TENM2: variants seen among roughly 807,000 people sequenced by gnomAD.
TENM2 encodes teneurin transmembrane protein 2.
A neutral mutation model predicts 245.2 loss-of-function variants in TENM2; 52 were observed. The observed-to-expected ratio is 0.21, with a 90% CI of 0.17 to 0.27. The LOEUF (loss-of-function observed/expected upper bound fraction) is 0.27. Among genes scored for constraint, TENM2 ranks in the 10% least tolerant of loss-of-function variants. The pLI is 1.00. For synonymous variants in TENM2, 1,363 were observed against 1,438.9 expected, an observed-to-expected ratio of 0.95 and a Z score of 1.19; for missense variants, 3,046 against 3,666.8, an observed-to-expected ratio of 0.83 and a Z score of 4.37.
At chr5:167,952,698 C>A (rs1375228278) in exon 4 of TENM2, 3 of 1,612,298 alleles carry the variant, frequency 1.9e-6, no homozygotes, top group Non-Finnish European at 2.5e-6. Context: ...CAGGAACTCA[C>A]TGACCAATCG....
At chr5:167,157,380 T>G in the TENM2 span, among the ~76,000 whole-genome samples, 2 of 152,306 alleles carry the variant, frequency 1.3e-5, no homozygotes, top group East Asian at 1.9e-4. Context: ...GTAATAATGG[T>G]TTACATTTTT....
At chr5:167,913,342 A>G (rs900112404) in intron 3 of TENM2, among the ~76,000 whole-genome samples, 1 of 152,216 alleles carries the variant, frequency 6.6e-6, no homozygotes, top group African/African-American at 2.4e-5. Flanking sequence ...CAAGTTTCAC[A>G]TACTGCCACC....
the TENM2 span, among the ~76,000 whole-genome samples, chr5:167,008,814 G>C: frequency 6.6e-6 from 1 of 152,148 alleles, no homozygotes; most frequent in African/African-American, 2.4e-5. Flanking sequence ...GTACACATTT[G>C]TGAGTCATGT....
intron 4 of TENM2, among the ~76,000 whole-genome samples, chr5:167,958,762 A>G (rs1420180336): frequency 6.6e-6 from 1 of 152,188 alleles, no homozygotes; most frequent in Admixed American, 6.5e-5. Context: ...TGGATATGAA[A>G]TTCTGGGTTG....
At chr5:167,086,372 T>C in the TENM2 span, among the ~76,000 whole-genome samples, 1 of 152,200 alleles carries the variant, frequency 6.6e-6, no homozygotes, top group Admixed American at 6.5e-5. Flanking sequence ...CATGCGTATC[T>C]TGGTGAAAGT....
chr5:167,740,457 A>C (rs74794755), intron 2 of TENM2, among the ~76,000 whole-genome samples: 1 of 152,156 alleles, frequency 6.6e-6, no homozygotes, highest in Non-Finnish European at 1.5e-5. Flanking sequence ...TTTTGTTGAC[A>C]CTACTTCCCT....
intron 9 of TENM2, among the ~76,000 whole-genome samples, chr5:168,113,933 C>A (rs1354578855): frequency 6.6e-6 from 1 of 152,158 alleles, no homozygotes. Context: ...CATACCTGAC[C>A]AATCACAACC....
the TENM2 span, among the ~76,000 whole-genome samples, chr5:166,982,441 C>A: frequency 3.3e-5 from 5 of 151,872 alleles, no homozygotes; most frequent in Non-Finnish European, 1.5e-5. Context: ...TCATTGTTTT[C>A]TTTCTGTGCA....
intron 4 of TENM2, among the ~76,000 whole-genome samples, chr5:167,975,248 CA>C (rs1410476355): frequency 1.3e-5 from 2 of 152,264 alleles, no homozygotes; most frequent in Admixed American, 6.5e-5. Context: ...TTGACACTTG[CA>C]TTTTTAAAAA....
intron 27 of TENM2, among the ~76,000 whole-genome samples, chr5:168,253,946 A>G (rs1161981888): frequency 3.3e-5 from 5 of 152,224 alleles, no homozygotes; most frequent in Non-Finnish European, 7.3e-5. Context: ...ATGATGATGC[A>G]TATATCCCCT....
At chr5:167,855,745 G>T (rs1771014429) in intron 2 of TENM2, among the ~76,000 whole-genome samples, 1 of 131,898 alleles carries the variant, frequency 7.6e-6, no homozygotes, top group Admixed American at 8.0e-5. Flanking sequence ...GAGGGAAGAA[G>T]GAAAGAAGGA....
intron 1 of TENM2, among the ~76,000 whole-genome samples, chr5:167,308,446 C>T (rs1755808901): frequency 6.6e-6 from 1 of 152,096 alleles, no homozygotes. Context: ...GGGTGAAATG[C>T]CTAAATTACT....
chr5:167,521,346 T>G (rs963530782), intron 2 of TENM2, among the ~76,000 whole-genome samples: 1 of 152,190 alleles, frequency 6.6e-6, no homozygotes, highest in African/African-American at 2.4e-5. Flanking sequence ...TTAGCCCTTC[T>G]GCATACCAGC....
intron 23 of TENM2, among the ~76,000 whole-genome samples, chr5:168,223,649 T>G (rs1763876477): frequency 6.6e-6 from 1 of 151,994 alleles, no homozygotes; most frequent in African/African-American, 2.4e-5. Context: ...GTATTTTTAG[T>G]AGAGACAGGG....
chr5:167,484,275 T>C (rs922388081), intron 2 of TENM2, among the ~76,000 whole-genome samples: 1 of 152,076 alleles, frequency 6.6e-6, no homozygotes, highest in African/African-American at 2.4e-5. Context: ...AACCCCTTAT[T>C]ACCTCAGAAT....
chr5:167,616,468 G>A (rs1777794147), intron 2 of TENM2, among the ~76,000 whole-genome samples: 1 of 152,068 alleles, frequency 6.6e-6, no homozygotes, highest in South Asian at 2.1e-4. Flanking sequence ...TATTAAAAAG[G>A]CAATTCTGCT....
intron 9 of TENM2, among the ~76,000 whole-genome samples, chr5:168,102,765 C>T (rs535630401): frequency 7.2e-5 from 11 of 152,332 alleles, no homozygotes; most frequent in African/African-American, 2.2e-4. Flanking sequence ...TAAGCCTATA[C>T]TTCCAGTTGT....
At chr5:168,211,694 CTGTT>C (rs1562286106) in intron 19 of TENM2, 36 bp from the exon 22 acceptor site, 12 of 1,223,700 alleles carry the variant, frequency 9.8e-6, no homozygotes, top group East Asian at 2.6e-5. Flanking sequence ...CTTCTGCTAA[CTGTT>C]TGTTCTTTTT....
At chr5:167,321,777 C>G (rs1756738505) in intron 1 of TENM2, among the ~76,000 whole-genome samples, 1 of 71,764 alleles carries the variant, frequency 1.4e-5, no homozygotes, top group Admixed American at 2.6e-4. Context: ...GTCTTGCTGC[C>G]TTGGCTTATT....
Sources: allele counts gnomAD v4.1 joint callset (sites outside exome capture counted in the v4.1 genomes callset), GRCh38; gene constraint gnomAD v4.1.1; transcripts MANE v1.5; gene names NCBI Gene and HGNC (gene_info 2026-07-23, HGNC 2026-07-21).